The following PTPN1 variants were observed in gnomAD, a reference collection of about 807,000 sequenced individuals.
PTPN1 encodes protein tyrosine phosphatase non-receptor type 1.
PTPN1 carries 12 observed loss-of-function variants against 59.9 expected under a neutral mutation model. That is an observed-to-expected ratio of 0.20 (90% CI 0.13 to 0.32). PTPN1 has a LOEUF of 0.32. PTPN1 is among the 10% of genes least tolerant of loss of function. PTPN1 has a pLI of 1.00. For synonymous variants in PTPN1, 178 were observed against 203.6 expected, an observed-to-expected ratio of 0.87 and a Z score of 1.07; for missense variants, 356 against 549.2, an observed-to-expected ratio of 0.65 and a Z score of 3.52.
At chr20:50,542,918 T>A (rs2082658972) in intron 1 of PTPN1, among the ~76,000 whole-genome samples, 4 of 152,366 alleles carry the variant, frequency 2.6e-5, no homozygotes, top group Non-Finnish European at 5.9e-5. Context: ...GAATACTTTT[T>A]TAAAATCCCA....
At chr20:50,521,702 A>G (rs1193745362) in intron 1 of PTPN1, among the ~76,000 whole-genome samples, 1 of 152,248 alleles carries the variant, frequency 6.6e-6, no homozygotes, top group Non-Finnish European at 1.5e-5. Flanking sequence ...GCTTCACGCA[A>G]TGCTTTTTAA....
At chr20:50,519,585 T>A (rs1023607814) in intron 1 of PTPN1, among the ~76,000 whole-genome samples, 3 of 152,230 alleles carry the variant, frequency 2.0e-5, no homozygotes, top group African/African-American at 7.2e-5. Context: ...GGCCTTCATC[T>A]GCATTTCCCA....
chr20:50,573,780 C>A (rs2082822506), intron 4 of PTPN1: 1 of 152,160 alleles, frequency 6.6e-6, no homozygotes, highest in African/African-American at 2.4e-5. Flanking sequence ...AAACTTAGTT[C>A]AAGTAAAATG....
intron 1 of PTPN1, among the ~76,000 whole-genome samples, chr20:50,522,928 T>G (rs2082557495): frequency 6.6e-6 from 1 of 151,620 alleles, no homozygotes; most frequent in African/African-American, 2.4e-5. Context: ...TAATTTTTTT[T>G]TTTTTTTTTG....
At chr20:50,539,376 T>G (rs1394587610) in intron 1 of PTPN1, among the ~76,000 whole-genome samples, 1 of 152,156 alleles carries the variant, frequency 6.6e-6, no homozygotes, top group Non-Finnish European at 1.5e-5. Flanking sequence ...TGCACTAGAT[T>G]CCTCAGGAAG....
intron 1 of PTPN1, among the ~76,000 whole-genome samples, chr20:50,541,336 C>G (rs1334182400): frequency 6.6e-6 from 1 of 152,180 alleles, no homozygotes; most frequent in East Asian, 1.9e-4. Flanking sequence ...CTGCTTTCAC[C>G]TTGGTTCTTT....
chr20:50,539,182 C>T lies in PTPN1; in HGVS notation c.64-22181C>T, dbSNP rs776621036. ...TCCTGAGTAGCTGGGATTACAGTCA[C>T]GTGCCACCACCCCTGGCAAATTTTG... On this transcript the variant is annotated intron_variant, in intron 1 of 9. Transcript: ENST00000371621. Among the ~76,000 whole-genome samples, 8 of 151,908 alleles carry T rather than the reference C, an allele frequency of 5.3e-5. No homozygotes were observed. The East Asian group carries it at 5.8e-4, about 11-fold the overall frequency.
chr20:50,557,349 G>A (rs573418746), intron 1 of PTPN1, among the ~76,000 whole-genome samples: 269 of 152,102 alleles, frequency 1.8e-3, no homozygotes, highest in African/African-American at 6.2e-3. Context: ...TCCTGCCTCC[G>A]CCTCTCAGGT....
chr20:50,545,291 C>T (rs764858230), intron 1 of PTPN1, among the ~76,000 whole-genome samples: 2 of 152,080 alleles, frequency 1.3e-5, no homozygotes, highest in Non-Finnish European at 2.9e-5. Flanking sequence ...TTCGAGTCAC[C>T]CTGAACATTG....
intron 1 of PTPN1, among the ~76,000 whole-genome samples, chr20:50,520,540 T>C (rs538885292): frequency 1.3e-5 from 2 of 152,314 alleles, no homozygotes; most frequent in East Asian, 3.9e-4. Flanking sequence ...ACGCCTGCAA[T>C]GTACTGAAGC....
intron 3 of PTPN1, among the ~76,000 whole-genome samples, chr20:50,567,484 TGAGAAGAAGTGATGCTGGCCAAG>T (rs1429524358): frequency 9.2e-5 from 14 of 152,126 alleles, no homozygotes; most frequent in African/African-American, 3.4e-4. Context: ...ATGGAAACCA[TGAGAAGAAGTGATGCTGGCCAAG>T]GACATGACAG....
chr20:50,559,030 ATTTTTTTT>A lies in PTPN1; in HGVS notation c.64-2319_64-2312del, dbSNP rs35277786. ...GTATTGAGACCTTACACGTCAGGGA[ATTTTTTTT>A]TTTTTTTTTTTTTGAGACGGAGTTT... On this transcript the variant is annotated intron_variant, in intron 1 of 9. Transcript: ENST00000371621. Among the ~76,000 whole-genome samples, 20 of 119,448 alleles carry A rather than the reference ATTTTTTTT, an allele frequency of 1.7e-4. No homozygotes were observed. In the Admixed American group the frequency reaches 1.7e-3, roughly 10 times the overall value. 78.4% of individuals were successfully genotyped at this position (119,448 alleles called of 152,430 possible).
At chr20:50,532,587 C>T (rs1248209276) in intron 1 of PTPN1, among the ~76,000 whole-genome samples, 2 of 152,128 alleles carry the variant, frequency 1.3e-5, no homozygotes, top group Non-Finnish European at 2.9e-5. Context: ...TGCAATATAC[C>T]TGCAGTATTC....
At chr20:50,554,912 T>A (rs902762108) in intron 1 of PTPN1, among the ~76,000 whole-genome samples, 1 of 152,054 alleles carries the variant, frequency 6.6e-6, no homozygotes, top group African/African-American at 2.4e-5. Context: ...ATGAGTCAAA[T>A]AGAAAGCAGC....
intron 1 of PTPN1, among the ~76,000 whole-genome samples, chr20:50,557,176 G>C (rs1445550628): frequency 1.3e-5 from 2 of 152,064 alleles, no homozygotes; most frequent in Non-Finnish European, 2.9e-5. Flanking sequence ...ATTACAGCTT[G>C]TATATATCTC....
intron 1 of PTPN1, among the ~76,000 whole-genome samples, chr20:50,550,307 G>T (rs907112024): frequency 1.3e-5 from 2 of 152,212 alleles, no homozygotes; most frequent in Non-Finnish European, 2.9e-5. Flanking sequence ...GGAGATCTTA[G>T]AAGATGTGAT....
chr20:50,530,711 G>A (rs974225607), intron 1 of PTPN1, among the ~76,000 whole-genome samples: 2 of 126,036 alleles, frequency 1.6e-5, no homozygotes, highest in African/African-American at 6.1e-5. Flanking sequence ...TTTTCTTTTT[G>A]AGACAGAGTT....
At chr20:50,522,844 C>T (rs922766369) in intron 1 of PTPN1, among the ~76,000 whole-genome samples, 4 of 152,130 alleles carry the variant, frequency 2.6e-5, no homozygotes, top group Non-Finnish European at 4.4e-5. Context: ...ACATCCGCCT[C>T]CCGAGTTCAA....
intron 1 of PTPN1, among the ~76,000 whole-genome samples, chr20:50,539,920 G>A (rs1281499308): frequency 6.6e-6 from 1 of 151,338 alleles, no homozygotes; most frequent in African/African-American, 2.4e-5. Flanking sequence ...TTGAATTAGA[G>A]TTTTCCGTTT....
Sources: gnomAD v4.1 joint callset for allele counts (sites outside exome capture counted in the v4.1 genomes callset) on GRCh38, gnomAD v4.1.1 for gene constraint, MANE v1.5 for transcripts, NCBI Gene and HGNC (gene_info 2026-07-23, HGNC 2026-07-21) for gene names.